Variants in WDR72 observed in about 807,000 individuals in gnomAD.
WDR72 encodes WD repeat-containing protein 72.
WDR72 carries 120 observed loss-of-function variants against 124.2 expected under a neutral mutation model. The ratio of observed to expected loss-of-function variants is 0.97; its 90% CI spans 0.83 to 1.12. The LOEUF is 1.12. WDR72 is among the 50% of genes most tolerant of loss of function. The pLI is 0.00. For synonymous variants in WDR72, 452 were observed against 441.7 expected (o/e 1.02, Z -0.29); for missense variants, 1,387 against 1,278.8 (o/e 1.08, Z -1.29).
At chr15:53,673,447 T>C (rs2016061701) in intron 13 of WDR72, among the ~76,000 whole-genome samples, 1 of 152,182 alleles carries the variant, frequency 6.6e-6, no homozygotes. Flanking sequence ...ATTTTCTTTA[T>C]GTTAAAATTA....
Position 53,517,524 on chromosome 15 carries a change from T to C in WDR72, c.*175A>G, listed in dbSNP as rs532357097. 2.7e-5 allele frequency: 18 copies of C among 678,004 alleles called. No individual in the cohort carries two copies. Among genetic ancestry groups the C allele is most frequent in the African/African-American group, 7.1e-5 (4 of 56,168 alleles). 42.0% of individuals were successfully genotyped at this position (678,004 alleles called of 1,614,324 possible). On this transcript the variant is annotated 3_prime_UTR_variant, in exon 20 of 20. Coordinates refer to ENST00000360509, the MANE Select transcript of WDR72 (RefSeq NM_182758.4). ...ATATTTTCAATCAGTATGTATTGCA[T>C]TGTAATCAGCATGTATTAAAATCAC... is the stretch of plus-strand genomic sequence containing the variant.
At chr15:53,703,662 A>T (rs952018872) in intron 11 of WDR72, among the ~76,000 whole-genome samples, 6 of 152,086 alleles carry the variant, frequency 3.9e-5, no homozygotes, top group Non-Finnish European at 7.3e-5. Flanking sequence ...GCACAGGACT[A>T]CTGACACACT....
intron 14 of WDR72, among the ~76,000 whole-genome samples, chr15:53,650,202 G>A (rs2015182693): frequency 1.3e-5 from 2 of 152,086 alleles, no homozygotes; most frequent in Admixed American, 1.3e-4. Flanking sequence ...GACAAATATT[G>A]CCTGATTACA....
chr15:53,735,290 A>T (rs1220582610), intron 1 of WDR72, among the ~76,000 whole-genome samples: 1 of 151,766 alleles, frequency 6.6e-6, no homozygotes, highest in Non-Finnish European at 1.5e-5. Context: ...GACAGGGGGG[A>T]AAAAAAAGAC....
intron 2 of WDR72, among the ~76,000 whole-genome samples, chr15:53,731,035 T>G (rs2018186497): frequency 6.6e-6 from 1 of 152,174 alleles, no homozygotes; most frequent in Admixed American, 6.5e-5. Flanking sequence ...GGAAAATCTT[T>G]ACATGGAGTA....
chr15:53,624,714 C>A (rs1466722136), intron 14 of WDR72, among the ~76,000 whole-genome samples: 1 of 152,098 alleles, frequency 6.6e-6, no homozygotes, highest in Non-Finnish European at 1.5e-5. Flanking sequence ...GAAAACAAGT[C>A]CATTAGAATA....
intron 18 of WDR72, among the ~76,000 whole-genome samples, chr15:53,570,790 C>A (rs1894496822): frequency 6.6e-6 from 1 of 152,040 alleles, no homozygotes; most frequent in African/African-American, 2.4e-5. Flanking sequence ...TCATGTTTAT[C>A]ACAGCACTAT....
intron 16 of WDR72, among the ~76,000 whole-genome samples, chr15:53,612,278 A>T (rs1449015800): frequency 2.0e-5 from 3 of 152,164 alleles, no homozygotes; most frequent in Non-Finnish European, 4.4e-5. Flanking sequence ...AACTGTCACA[A>T]AAATATAACT....
At chr15:53,702,982 A>G (rs1367638945) in intron 11 of WDR72, among the ~76,000 whole-genome samples, 1 of 151,822 alleles carries the variant, frequency 6.6e-6, no homozygotes, top group Non-Finnish European at 1.5e-5. Flanking sequence ...ACCATAAGAC[A>G]AAACTTCTAT....
chr15:53,680,479 A>ATT (rs1436103979), intron 13 of WDR72, among the ~76,000 whole-genome samples: 7 of 152,194 alleles, frequency 4.6e-5, no homozygotes, highest in African/African-American at 1.7e-4. Context: ...TCTAATAAGG[A>ATT]ACATGTAACT....
intron 14 of WDR72, among the ~76,000 whole-genome samples, chr15:53,620,333 T>A (rs2013940688): frequency 6.6e-6 from 1 of 151,998 alleles, no homozygotes; most frequent in Non-Finnish European, 1.5e-5. Flanking sequence ...ATATTTAAAT[T>A]TTTAAAAATA....
At chr15:53,727,214 T>G (rs1390112794) in intron 2 of WDR72, among the ~76,000 whole-genome samples, 1 of 110,536 alleles carries the variant, frequency 9.0e-6, no homozygotes, top group Non-Finnish European at 1.7e-5. Flanking sequence ...GGTGACAGAG[T>G]AAGACTCTGT....
intron 17 of WDR72, among the ~76,000 whole-genome samples, chr15:53,599,006 C>A (rs1370721361): frequency 1.3e-5 from 2 of 151,924 alleles, no homozygotes; most frequent in Admixed American, 6.6e-5. Flanking sequence ...CACCTGTAGT[C>A]CTGGCTACTC....
At chr15:53,655,224 C>T (rs552644984) in intron 14 of WDR72, among the ~76,000 whole-genome samples, 1 of 90,230 alleles carries the variant, frequency 1.1e-5, no homozygotes, top group South Asian at 4.3e-4. Context: ...GAGCAAGATG[C>T]CATCTCAAAA....
Position 53,530,399 on chromosome 15 carries a change from T to C in WDR72, c.3149-7077A>G, listed in dbSNP as rs118100755. Among the ~76,000 whole-genome samples, 1,371 of 152,028 alleles carry C rather than the reference T, an allele frequency of 9.0e-3. 20 individuals carry two copies. Among genetic ancestry groups the C allele is most frequent in the East Asian group, 0.071 (362 of 5,108 alleles). Reference sequence around the variant, plus strand: ...GTGGTGAATGATTTCTAAGAATGTATAGAAACTAATTCGCACTCTTTATGC... The same window carrying C: ...GTGGTGAATGATTTCTAAGAATGTACAGAAACTAATTCGCACTCTTTATGC... On this transcript the variant is annotated intron_variant, in intron 18 of 19. Coordinates refer to ENST00000360509, the MANE Select transcript of WDR72 (RefSeq NM_182758.4).
chr15:53,697,543 A>G (rs950997863), intron 13 of WDR72, among the ~76,000 whole-genome samples: 1 of 152,106 alleles, frequency 6.6e-6, no homozygotes, highest in African/African-American at 2.4e-5. Flanking sequence ...TCAGTCCTAG[A>G]GGTGGCCAGA....
intron 13 of WDR72, among the ~76,000 whole-genome samples, chr15:53,672,226 CA>C (rs1595836851): frequency 6.6e-6 from 1 of 150,958 alleles, no homozygotes; most frequent in East Asian, 2.0e-4. Flanking sequence ...CCCAAATAGA[CA>C]GCATGTGGAG....
intron 17 of WDR72, among the ~76,000 whole-genome samples, chr15:53,606,366 G>A (rs1041305682): frequency 1.3e-5 from 2 of 152,058 alleles, no homozygotes; most frequent in African/African-American, 4.8e-5. Context: ...GCCTGTACTT[G>A]TGTTTATTCC....
intron 2 of WDR72, among the ~76,000 whole-genome samples, chr15:53,725,164 C>T (rs376297621): frequency 2.6e-5 from 4 of 152,048 alleles, no homozygotes; most frequent in African/African-American, 9.6e-5. Context: ...AGACACCTCA[C>T]CAAAGAAAAC....
Sources: allele counts gnomAD v4.1 joint callset (sites outside exome capture counted in the v4.1 genomes callset), GRCh38; gene constraint gnomAD v4.1.1; transcripts MANE v1.5; gene names NCBI Gene and HGNC (gene_info 2026-07-23, HGNC 2026-07-21).